PDZD4: variants seen among roughly 807,000 people sequenced by gnomAD.
PDZD4 encodes the protein PDZ domain-containing protein 4.
A neutral mutation model predicts 38.5 loss-of-function variants in PDZD4; 9 were observed. The observed-to-expected ratio is 0.23, with a 90% CI of 0.14 to 0.41. The LOEUF is 0.41. PDZD4 is among the 10% of genes least tolerant of loss of function. The pLI, the probability that PDZD4 is intolerant of heterozygous loss-of-function variation, is 1.00. For synonymous variants in PDZD4, 349 were observed against 315.7 expected (o/e 1.11, Z -1.12); for missense variants, 612 against 722.0 (o/e 0.85, Z 1.75).
Position 153,803,896 on chromosome X carries a change from C to T in PDZD4, c.1785G>A (p.Pro595=), listed in dbSNP as rs782280285. ...EHYHSCVQLA[P]TRGLEELGHG... ...GGCCCAGCTCCTCCAGGCCTCGCGT[C>T]GGGGCCAGCTGCACGCAGCTGTGGT... Residue 595 remains proline, a synonymous_variant, in exon 8 of 8, where the codon CCG becomes CCA. Coordinates refer to ENST00000393758, the MANE Select transcript of PDZD4 (RefSeq NM_001303512.2). 5.1e-6 allele frequency: 6 copies of T among 1,181,225 alleles called. No homozygotes were observed. The highest frequency in any genetic ancestry group is 6.8e-6 in the Non-Finnish European group (6 of 882,702).
chrX:153,826,655 A>G (rs112655019), intron 1 of PDZD4, among the ~76,000 whole-genome samples: 1,116 of 111,340 alleles, frequency 0.01, 17 homozygotes, highest in African/African-American at 0.035. Context: ...CAGGTGAGCC[A>G]CCCGCCTTGG....
At position 153,830,272 on chromosome X, in the gene PDZD4, C is replaced by T. The variant is rs1557083493; in HGVS notation, c.27G>A (p.Gln9=). 4.2e-6 allele frequency: 5 copies of T among 1,204,146 alleles called. No homozygotes were observed. The highest frequency in any genetic ancestry group is 5.6e-6 in the Non-Finnish European group (5 of 891,794). The part of the protein sequence containing the change: MGCNMCVV[Q]KPEEQYKVML... ...TCACTTTGTACTGCTCCTCCGGTTT[C>T]TGGACCACGCACATATTACATCCCA... Residue 9 remains glutamine, a synonymous_variant, in exon 1 of 8, where the codon CAG becomes CAA. Transcript: ENST00000393758.
At chrX:153,806,903 G>T (rs1362776144) in intron 3 of PDZD4, 63 bp from the exon 4 acceptor site, 1 of 983,288 alleles carries the variant, frequency 1.0e-6, no homozygotes, top group Non-Finnish European at 1.4e-6. Context: ...GAGTGAGGGA[G>T]CAGGCAGCAC....
At chrX:153,809,565 C>G (rs782181422) in intron 1 of PDZD4, among the ~76,000 whole-genome samples, 1 of 112,453 alleles carries the variant, frequency 8.9e-6, no homozygotes, top group Non-Finnish European at 1.9e-5. Flanking sequence ...CCAGCTTGGG[C>G]GACAGAGCGA....
Position 153,804,005 on chromosome X carries a change from C to T in PDZD4, c.1676G>A (p.Gly559Glu), listed in dbSNP as rs1288197548. 4.3e-6 allele frequency: 5 copies of T among 1,159,640 alleles called. No individual in the cohort carries two copies. The highest frequency in any genetic ancestry group is 2.6e-5 in the Admixed American group (1 of 38,030). The change falls in exon 8 of 8, where the codon GGG (glycine) becomes GAG (glutamate). Residue 559 changes from glycine to glutamate, a missense_variant. Coordinates refer to ENST00000393758, the MANE Select transcript of PDZD4 (RefSeq NM_001303512.2). ...AGGGCCCACACGCTCCAGGGTCAAC[C>T]CCGTCTTGGGGTTGCGGCGGCCGCG... ...EERGRRNPKTGLTLERVGPES... is the reference protein window; with the variant it reads ...EERGRRNPKTELTLERVGPES...
At chrX:153,819,018 C>T (rs2064391875) in intron 1 of PDZD4, among the ~76,000 whole-genome samples, 1 of 112,507 alleles carries the variant, frequency 8.9e-6, no homozygotes, top group Admixed American at 9.2e-5. Context: ...TTAGGGGACG[C>T]GGGAAGCGGG....
In PDZD4 at chrX:153,830,254, G is replaced by A; in HGVS notation, c.45C>T (p.Tyr15=). Residue 15 remains tyrosine (Y), a synonymous_variant, in exon 1 of 8, where the codon TAC becomes TAT. Coordinates refer to ENST00000393758, the MANE Select transcript of PDZD4 (RefSeq NM_001303512.2). ...MCVVQKPEEQ[Y]KVMLQVNGKE... is the part of the protein sequence containing the mutation. ...GCGGCCCTACCTGCAGCATCACTTT[G>A]TACTGCTCCTCCGGTTTCTGGACCA... 1 of 1,203,978 alleles carries A rather than the reference G, an allele frequency of 8.3e-7. No homozygotes were observed. Among genetic ancestry groups the A allele is most frequent in the Non-Finnish European group, 1.1e-6 (1 of 891,606 alleles).
chrX:153,811,872 A>G (rs868914621), intron 1 of PDZD4, among the ~76,000 whole-genome samples: 2 of 112,128 alleles, frequency 1.8e-5, no homozygotes, highest in South Asian at 3.7e-4. Context: ...ACAAAGGGAC[A>G]TGATGGAATG....
intron 4 of PDZD4, 34 bp downstream of exon 4, chrX:153,806,708 G>A (rs782808516): frequency 3.5e-5 from 41 of 1,165,321 alleles, no homozygotes; most frequent in Non-Finnish European, 4.4e-5. Flanking sequence ...CCATGTGGAT[G>A]GGCCTCGGGG....
At chrX:153,807,112 G>A (rs1203804837) in intron 3 of PDZD4, among the ~76,000 whole-genome samples, 167 bp downstream of exon 3, 1 of 112,865 alleles carries the variant, frequency 8.9e-6, no homozygotes, top group Non-Finnish European at 1.9e-5. Context: ...TGCATGGGAC[G>A]TGGACTCACC....
At chrX:153,826,836 T>G (rs1250569524) in intron 1 of PDZD4, among the ~76,000 whole-genome samples, 1 of 111,792 alleles carries the variant, frequency 8.9e-6, no homozygotes, top group Non-Finnish European at 1.9e-5. Flanking sequence ...GTGCAAAACA[T>G]CATGTAAAGA....
chrX:153,830,364 G>C lies in PDZD4; in HGVS notation c.-66C>G. The stretch of plus-strand genomic sequence containing the variant: ...AGACGCCTTTCACTGACCCGGGCGC[G>C]GGACCTCGGGTCCCGGGCCGGGGCC... On this transcript the variant is annotated 5_prime_UTR_variant, in exon 1 of 8. Coordinates refer to ENST00000393758, the MANE Select transcript of PDZD4 (RefSeq NM_001303512.2). 1.9e-6 allele frequency: 2 copies of C among 1,070,372 alleles called. No individual in the cohort carries two copies. Among genetic ancestry groups the C allele is most frequent in the Admixed American group, 2.3e-5 (1 of 43,847 alleles). 88.2% of individuals were successfully genotyped at this position (1,070,372 alleles called of 1,213,427 possible). A position where few individuals can be genotyped will look rare whatever the true frequency, so the allele number is the denominator to read the frequency against.
At position 153,805,184 on chromosome X, in the gene PDZD4, G is replaced by A. The variant is rs782618968; in HGVS notation, c.693C>T (p.Ser231=). ...ESQLAKRWKD[S]DRDDFLDDFG... ...AGTCATCCAGGAAGTCATCCCGGTC[G>A]CTGTCCTTCCACCTTTTCGCCAGCT... Residue 231 remains serine (S), a synonymous_variant, in exon 7 of 8, where the codon AGC becomes AGT. Coordinates refer to ENST00000393758, the MANE Select transcript of PDZD4 (RefSeq NM_001303512.2). 7.4e-6 allele frequency: 9 copies of A among 1,211,214 alleles called. No individual in the cohort carries two copies. The highest frequency in any genetic ancestry group is 2.3e-4 in the Middle Eastern group (1 of 4,352).
rs782201548 is a variant in PDZD4 at position 153,803,826 on chromosome X, C to G, written c.1855G>C (p.Ala619Pro). 1.7e-6 allele frequency: 2 copies of G among 1,194,518 alleles called. No homozygotes were observed. The highest frequency in any genetic ancestry group is 3.5e-5 in the African/African-American group (2 of 57,478). Residue 619 changes from alanine (A) to proline (P), a missense_variant, in exon 8 of 8, where the codon GCG becomes CCG. By Grantham distance (27) the Ala-to-Pro change is conservative (BLOSUM62 -1). Around this residue, in one of 3 missense-constraint regions of PDZD4, gnomAD observed 300 missense variants for 284.6 expected, o/e 1.05. Transcript: ENST00000393758. ...LAGGPRVGGVAAAATEAPRME... is the reference protein window; with the variant it reads ...LAGGPRVGGVPAAATEAPRME... ...CGCGGTGCTTCAGTGGCCGCGGCCG[C>G]CACCCCGCCCACCCGAGGGCCACCG...
In PDZD4 at chrX:153,808,325, T is replaced by C; in HGVS notation, c.314+17A>G. 8.4e-7 allele frequency: 1 copy of C among 1,193,382 alleles called. No homozygotes were observed. The highest frequency in any genetic ancestry group is 1.8e-5 in the South Asian group (1 of 54,183). The stretch of plus-strand genomic sequence containing the variant: ...TCTCTGGAGGCAGGGCCCGGGGCCC[T>C]CCTGAGGGCGACTCACAGCTCAGAG... On this transcript the variant is annotated intron_variant, in intron 2 of 7. Transcript: ENST00000393758.
chrX:153,803,681 G>A lies in PDZD4; in HGVS notation c.2000C>T (p.Thr667Met). ...LKIREERSGM[T>M]TDDDAVSEMK... ...CTCGCTCACCGCGTCGTCGTCGGTC[G>A]TCATACCGCTGCGCTCCTCCCGGAT... The change falls in exon 8 of 8, where the codon ACG (threonine) becomes ATG (methionine). Residue 667 changes from threonine to methionine, a missense_variant. Thr to Met is a moderately conservative substitution (Grantham distance 81). Coordinates refer to ENST00000393758, the MANE Select transcript of PDZD4 (RefSeq NM_001303512.2). The A allele has an allele frequency of 8.3e-7, 1 of 1,210,326 alleles. No individual in the cohort carries two copies.
Position 153,803,259 on chromosome X carries a change from GCGCA to G in PDZD4, c.*90_*93del. ...GCGTGCGCACAGCGAGCACGCGCGC[GCGCA>G]CACACACACACACACAATCTCTATA... On this transcript the variant is annotated 3_prime_UTR_variant, in exon 8 of 8. Coordinates refer to ENST00000393758, the MANE Select transcript of PDZD4 (RefSeq NM_001303512.2). The G allele has an allele frequency of 2.7e-5, 18 of 674,403 alleles. No individual in the cohort carries two copies. Among genetic ancestry groups the G allele is most frequent in the South Asian group, 5.1e-5 (1 of 19,708 alleles). The allele number at this position is 674,403 out of a possible 1,213,427, so 55.6% of individuals were successfully genotyped here.
chrX:153,806,009 G>T, intron 5 of PDZD4, 62 bp downstream of exon 5: 1 of 1,141,215 alleles, frequency 8.8e-7, no homozygotes, highest in Non-Finnish European at 1.2e-6. Flanking sequence ...GCTAAAGAGA[G>T]GTGGCTGGGC....
chrX:153,819,731 A>T (rs1207831178), intron 1 of PDZD4, among the ~76,000 whole-genome samples: 1 of 112,539 alleles, frequency 8.9e-6, no homozygotes, highest in East Asian at 2.8e-4. Context: ...CCCAACGAGT[A>T]GAGCATCAGA....
Sources: allele counts gnomAD v4.1 joint callset (sites outside exome capture counted in the v4.1 genomes callset), GRCh38; gene constraint gnomAD v4.1.1; regional missense constraint gnomAD v4.1.1; transcripts MANE v1.5; gene names NCBI Gene and HGNC (gene_info 2026-07-23, HGNC 2026-07-21).